The following BTLA variants were observed in gnomAD, a reference collection of about 807,000 sequenced individuals.
BTLA encodes the protein B- and T-lymphocyte attenuator.
BTLA carries 11 observed loss-of-function variants against 25.0 expected under a neutral mutation model. That is an observed-to-expected ratio of 0.44 (90% confidence interval 0.28 to 0.73). The LOEUF (loss-of-function observed/expected upper bound fraction) is 0.73, where lower values mean the gene tolerates loss of function less well. BTLA is among the 30% of genes least tolerant of loss of function. BTLA has a pLI of 0.15. For missense variants in BTLA, 282 were observed against 332.8 expected (o/e 0.85, Z 1.19); for synonymous variants, 104 against 119.8 (o/e 0.87, Z 0.86).
chr3:112,469,905 G>T, intron 3 of BTLA, 101 bp from the exon 4 acceptor site: 1 of 941,266 alleles, frequency 1.1e-6, no homozygotes, highest in Non-Finnish European at 1.7e-6. Context: ...CAGGGATAGT[G>T]TTGTTAGTTT....
intron 1 of BTLA, 30 bp from the exon 2 acceptor site, chr3:112,479,799 A>G (rs776130800): frequency 7.9e-6 from 12 of 1,512,454 alleles, no homozygotes; most frequent in East Asian, 4.5e-5. Flanking sequence ...CTAAAATCAA[A>G]TATGTTCTTC....
chr3:112,466,066 A>G lies in BTLA; in HGVS notation c.*42T>C. 2 of 1,508,190 alleles carry G rather than the reference A, an allele frequency of 1.3e-6. No individual in the cohort carries two copies. The highest frequency in any genetic ancestry group is 1.8e-6 in the Non-Finnish European group (2 of 1,118,516). 93.4% of individuals were successfully genotyped at this position (1,508,190 alleles called of 1,614,324 possible). A position where few individuals can be genotyped will look rare whatever the true frequency, so the allele number is the denominator to read the frequency against. On this transcript the variant is annotated 3_prime_UTR_variant, in exon 5 of 5. Coordinates refer to ENST00000334529, the MANE Select transcript of BTLA (RefSeq NM_181780.4). ...GTTGAGCCCAGACAATGATGTCAAC[A>G]TGCTGATCATTCAATGGTCCCTGTT...
rs749596528 is a variant in BTLA at position 112,479,530 on chromosome 3, T to C, written c.328A>G (p.Asn110Asp). 4.3e-6 allele frequency: 7 copies of C among 1,614,120 alleles called. No homozygotes were observed. In the Admixed American group the frequency reaches 1.0e-4, roughly 23 times the overall value. ...LHFEPVLPND[N>D]GSYRCSANFQ... ...TTTGCAGAACAGCGGTATGACCCAT[T>C]GTCATTAGGAAGCACTGGTTCAAAA... is the stretch of plus-strand genomic sequence containing the variant. The change falls in exon 2 of 5, where the codon AAT becomes GAT. Residue 110 changes from asparagine (N) to aspartate (D), a missense_variant. Asn to Asp is a conservative substitution (Grantham distance 23, BLOSUM62 1). Around this residue, in one of 2 missense-constraint regions of BTLA, gnomAD observed 163 missense variants for 230.4 expected, o/e 0.71. Transcript: ENST00000334529.
rs1433602606 is a variant in BTLA, at chr3:112,464,133, T to C, written c.*1975A>G. On this transcript the variant is annotated 3_prime_UTR_variant, in exon 5 of 5. Coordinates refer to ENST00000334529, the MANE Select transcript of BTLA (RefSeq NM_181780.4). ...AGTGAAGTAGAGTCATTTGGGAAAA[T>C]GCATGTATGTCTCTGACACCATTTT... 2.0e-5 allele frequency: 8 copies of C among 397,870 alleles called. No individual in the cohort carries two copies. Among genetic ancestry groups the C allele is most frequent in the Non-Finnish European group, 2.2e-5 (5 of 225,758 alleles). 24.6% of individuals were successfully genotyped at this position (397,870 alleles called of 1,614,324 possible).
In BTLA at chr3:112,471,240, G is replaced by A. The variant is rs761509777; in HGVS notation, c.519C>T (p.Cys173=). Residue 173 remains cysteine, a synonymous_variant, in exon 3 of 5, where the codon TGC becomes TGT. Coordinates refer to ENST00000334529, the MANE Select transcript of BTLA (RefSeq NM_181780.4). The part of the protein sequence containing the change: ...GLPLLITTCF[C]LFCCLRRHQG... ...GGTGCCTTCTCAGGCAGCAGAACAG[G>A]CAGAAACAGGTAGTGATGAGTAGAG... 1.2e-6 allele frequency: 2 copies of A among 1,614,062 alleles called. No homozygotes were observed. The highest frequency in any genetic ancestry group is 1.1e-5 in the South Asian group (1 of 91,084).
intron 4 of BTLA, 132 bp downstream of exon 4, chr3:112,469,626 T>TCGTAC: frequency 4.0e-5 from 1 of 24,714 alleles, no homozygotes. Context: ...TATATATATA[T>TCGTAC]ATATATATAT....
At chr3:112,489,117 C>A (rs2082365966) in intron 1 of BTLA, among the ~76,000 whole-genome samples, 1 of 152,032 alleles carries the variant, frequency 6.6e-6, no homozygotes, top group Non-Finnish European at 1.5e-5. Context: ...GTTATAACTA[C>A]CAAAGAAAAG....
At chr3:112,469,649 A>ATATATATATATATG (rs59880426) in intron 4 of BTLA, 109 bp downstream of exon 4, 2 of 471,070 alleles carry the variant, frequency 4.2e-6, no homozygotes, top group African/African-American at 4.7e-5. Context: ...ATATATATAT[A>ATATATATATATATG]GTACATAGAA....
intron 1 of BTLA, among the ~76,000 whole-genome samples, chr3:112,484,029 G>T (rs1471318998): frequency 6.6e-6 from 1 of 152,090 alleles, no homozygotes; most frequent in African/African-American, 2.4e-5. Flanking sequence ...ACTTCAGCCG[G>T]GGCAAAGCTT....
intron 1 of BTLA, among the ~76,000 whole-genome samples, chr3:112,487,785 GA>G (rs1403171848): frequency 6.6e-6 from 1 of 152,086 alleles, no homozygotes; most frequent in African/African-American, 2.4e-5. Flanking sequence ...TATTATTTTG[GA>G]TATGATATAA....
chr3:112,484,895 T>C (rs926934694), intron 1 of BTLA, among the ~76,000 whole-genome samples: 5 of 152,188 alleles, frequency 3.3e-5, no homozygotes, highest in African/African-American at 9.7e-5. Flanking sequence ...ATGATGAATG[T>C]AGGCTTGCAA....
At chr3:112,470,853 T>C (rs2107310700) in intron 3 of BTLA, among the ~76,000 whole-genome samples, 1 of 152,314 alleles carries the variant, frequency 6.6e-6, no homozygotes, top group Middle Eastern at 3.4e-3. Flanking sequence ...AAAGCAGATA[T>C]CTTGATCTGA....
chr3:112,494,175 G>A (rs1045715337), intron 1 of BTLA, among the ~76,000 whole-genome samples: 2 of 152,126 alleles, frequency 1.3e-5, no homozygotes, highest in African/African-American at 4.8e-5. Flanking sequence ...ATCACTGATG[G>A]TCAGAGAAAT....
At chr3:112,495,825 A>C (rs1045324758) in intron 1 of BTLA, among the ~76,000 whole-genome samples, 1 of 152,162 alleles carries the variant, frequency 6.6e-6, no homozygotes, top group African/African-American at 2.4e-5. Flanking sequence ...GAGCAAAACA[A>C]TCTGTGTGGG....
intron 2 of BTLA, among the ~76,000 whole-genome samples, chr3:112,475,189 A>T (rs535734868): frequency 1.6e-4 from 25 of 152,196 alleles, no homozygotes; most frequent in African/African-American, 5.3e-4. Context: ...AAGCCAAAGA[A>T]AATTCTCTGG....
At chr3:112,498,662 A>G (rs551574125) in intron 1 of BTLA, among the ~76,000 whole-genome samples, 74 of 146,892 alleles carry the variant, frequency 5.0e-4, no homozygotes, top group Non-Finnish European at 9.0e-4. Context: ...TCTGTGTTCA[A>G]TTGACAACCA....
intron 1 of BTLA, among the ~76,000 whole-genome samples, chr3:112,491,966 C>T (rs929943220): frequency 8.5e-5 from 13 of 152,196 alleles, no homozygotes; most frequent in African/African-American, 3.1e-4. Context: ...GGAAACTCTA[C>T]AGAAATATAT....
chr3:112,468,454 C>T (rs1161509152), intron 4 of BTLA, among the ~76,000 whole-genome samples: 1 of 152,142 alleles, frequency 6.6e-6, no homozygotes, highest in East Asian at 1.9e-4. Flanking sequence ...TTCTGAAATG[C>T]TAGACAACTG....
intron 4 of BTLA, among the ~76,000 whole-genome samples, chr3:112,468,619 C>T (rs1214586911): frequency 2.0e-5 from 3 of 152,166 alleles, no homozygotes; most frequent in Non-Finnish European, 4.4e-5. Context: ...CACAGCTTAA[C>T]CAACCTGGGT....
Sources: allele counts gnomAD v4.1 joint callset (sites outside exome capture counted in the v4.1 genomes callset), GRCh38; gene constraint gnomAD v4.1.1; regional missense constraint gnomAD v4.1.1; transcripts MANE v1.5; gene names NCBI Gene and HGNC (gene_info 2026-07-23, HGNC 2026-07-21).